The following COX17 variants were observed in gnomAD, a reference collection of about 807,000 sequenced individuals.
The protein encoded by COX17 is cytochrome c oxidase copper chaperone COX17.
Under a neutral mutation model 6.3 loss-of-function variants are expected in COX17, and 1 was observed. The observed-to-expected ratio is 0.16, with a 90% CI of 0.06 to 0.75. The LOEUF (loss-of-function observed/expected upper bound fraction) is 0.75, where lower values mean the gene tolerates loss of function less well. Among genes scored for constraint, COX17 ranks in the 30% least tolerant of loss-of-function variants. The probability of loss-of-function intolerance (pLI) is 0.77; values close to 1 mark genes in which losing one functional copy is unlikely to be tolerated. For synonymous variants in COX17, 26 were observed against 30.5 expected (o/e 0.85, Z 0.49); for missense variants, 73 against 81.2 (o/e 0.90, Z 0.39).
Position 119,677,378 on chromosome 3 carries a change from C to CGTCCGCAGTCACTTCCGGCA in COX17, c.-88_-69dup. 3 of 1,239,894 alleles carry CGTCCGCAGTCACTTCCGGCA rather than the reference C, an allele frequency of 2.4e-6. No individual in the cohort carries two copies. The South Asian group carries it at 3.8e-5, about 16-fold the overall frequency. 76.8% of individuals were successfully genotyped at this position (1,239,894 alleles called of 1,614,324 possible). On this transcript the variant is annotated 5_prime_UTR_variant, in exon 1 of 3. Transcript: ENST00000261070. ...ATGCCAGCCTCGGCAAACGCCGATT[C>CGTCCGCAGTCACTTCCGGCA]GTCCGCAGTCACTTCCGGCAGTCGC...
chr3:119,672,759 T>C (rs577784440), intron 2 of COX17, among the ~76,000 whole-genome samples: 1 of 152,320 alleles, frequency 6.6e-6, no homozygotes, highest in African/African-American at 2.4e-5. Flanking sequence ...TCACAAAATG[T>C]ATTATGGTTC....
chr3:119,668,236 G>T (rs917703877), downstream of COX17, among the ~76,000 whole-genome samples: 1 of 152,078 alleles, frequency 6.6e-6, no homozygotes, highest in Non-Finnish European at 1.5e-5. Context: ...TAAGGTTATC[G>T]ATTTTTTTGT....
chr3:119,676,289 C>A (rs2053098267), intron 1 of COX17, among the ~76,000 whole-genome samples: 2 of 152,216 alleles, frequency 1.3e-5, no homozygotes, highest in African/African-American at 4.8e-5. Context: ...GTCTTTCAAT[C>A]CTACCCGTAT....
At chr3:119,671,997 T>C (rs4327424) in intron 2 of COX17, among the ~76,000 whole-genome samples, 54,522 of 152,072 alleles carry the variant, frequency 0.36, 10,489 homozygotes, top group East Asian at 0.66. Flanking sequence ...TGGATTCAGA[T>C]TGTTCTTCTT....
chr3:119,668,715 G>C (rs150460219), downstream of COX17, among the ~76,000 whole-genome samples: 4 of 151,878 alleles, frequency 2.6e-5, no homozygotes, highest in Admixed American at 2.6e-4. Flanking sequence ...TTATAAAGGA[G>C]GGACTTTTCC....
At chr3:119,674,642 C>CA (rs2053080384) in intron 2 of COX17, 1 of 153,636 alleles carries the variant, frequency 6.5e-6, no homozygotes, top group Non-Finnish European at 1.4e-5. Flanking sequence ...AAAAACAACA[C>CA]AAAAAATTAG....
chr3:119,673,393 T>A (rs921469928), intron 2 of COX17, among the ~76,000 whole-genome samples: 2 of 152,212 alleles, frequency 1.3e-5, no homozygotes, highest in Non-Finnish European at 2.9e-5. Flanking sequence ...ATTAAAAATA[T>A]ATGTATCATG....
downstream of COX17, among the ~76,000 whole-genome samples, chr3:119,665,686 T>G (rs879898164): frequency 6.6e-6 from 1 of 152,222 alleles, no homozygotes; most frequent in Non-Finnish European, 1.5e-5. Context: ...GACTAAGTTC[T>G]TGAAAGCACC....
intron 2 of COX17, chr3:119,674,864 T>C (rs2107835414): frequency 2.9e-6 from 1 of 340,752 alleles, no homozygotes; most frequent in Middle Eastern, 8.8e-4. Flanking sequence ...AGAGAATATG[T>C]TTCTTTTAGT....
chr3:119,669,940 ATGTG>A (rs2053027979), intron 2 of COX17, among the ~76,000 whole-genome samples: 1 of 152,158 alleles, frequency 6.6e-6, no homozygotes, highest in South Asian at 2.1e-4. Flanking sequence ...TATAATACAT[ATGTG>A]TGTGTTTGAG....
rs1469195287 is a variant in COX17, at chr3:119,669,636, C to T, written c.*34G>A. Reference sequence around the variant, plus strand: ...CCCAAAATTAATCTTCTTCATTCTTCAGGAATTATTTATTCACACAGCAGA... The same window carrying T: ...CCCAAAATTAATCTTCTTCATTCTTTAGGAATTATTTATTCACACAGCAGA... On this transcript the variant is annotated 3_prime_UTR_variant, in exon 3 of 3. Coordinates refer to ENST00000261070, the MANE Select transcript of COX17 (RefSeq NM_005694.2). 2.0e-5 allele frequency: 3 copies of T among 152,248 alleles called. No homozygotes were observed. Among genetic ancestry groups the T allele is most frequent in the Non-Finnish European group, 4.4e-5 (3 of 67,998 alleles). 9.4% of individuals were successfully genotyped at this position (152,248 alleles called of 1,614,324 possible). A position where few individuals can be genotyped will look rare whatever the true frequency, so the allele number is the denominator to read the frequency against.
At chr3:119,666,442 A>C (rs568989050), downstream of COX17, among the ~76,000 whole-genome samples, 8 of 152,296 alleles carry the variant, frequency 5.3e-5, no homozygotes, top group African/African-American at 1.7e-4. Flanking sequence ...CAGCTATGTG[A>C]GTTTTCCTTA....
chr3:119,676,692 T>G, intron 1 of COX17: 1 of 599,936 alleles, frequency 1.7e-6, no homozygotes, highest in Non-Finnish European at 3.0e-6. Context: ...CCAGAAAACC[T>G]TTCCTGTTTG....
intron 2 of COX17, among the ~76,000 whole-genome samples, chr3:119,672,946 C>G (rs1220173562): frequency 6.6e-6 from 1 of 152,186 alleles, no homozygotes. Flanking sequence ...CGACAAGTTC[C>G]TTATCCCTCC....
At chr3:119,667,305 C>T (rs2053001323), downstream of COX17, among the ~76,000 whole-genome samples, 1 of 152,070 alleles carries the variant, frequency 6.6e-6, no homozygotes, top group Non-Finnish European at 1.5e-5. Context: ...AAATGCTGTA[C>T]CTCATCTTTG....
Position 119,671,561 on chromosome 3 carries a change from G to C in COX17, c.*5-1896C>G, listed in dbSNP as rs1171714249. Among the ~76,000 whole-genome samples the C allele has an allele frequency of 8.5e-5, 13 of 152,216 alleles. No individual in the cohort carries two copies. The East Asian group carries it at 2.1e-3, about 25-fold the overall frequency. Reference sequence around the variant, plus strand: ...GTTAAGTTTATCTTATAGCAATGCAGACAGTTGTGTTGGATTTCACCCTCC... The same window carrying C: ...GTTAAGTTTATCTTATAGCAATGCACACAGTTGTGTTGGATTTCACCCTCC... On this transcript the variant is annotated intron_variant, in intron 2 of 2. Coordinates refer to ENST00000261070, the MANE Select transcript of COX17 (RefSeq NM_005694.2).
At chr3:119,670,884 G>C (rs569807145) in intron 2 of COX17, among the ~76,000 whole-genome samples, 37 of 151,862 alleles carry the variant, frequency 2.4e-4, no homozygotes, top group African/African-American at 8.7e-4. Context: ...TTCTTTCAAC[G>C]ACTTTAGTCT....
intron 2 of COX17, among the ~76,000 whole-genome samples, chr3:119,674,081 G>A (rs2053073466): frequency 6.6e-6 from 1 of 151,092 alleles, no homozygotes; most frequent in Non-Finnish European, 1.5e-5. Flanking sequence ...GATGTGAGGA[G>A]CGCCTCTGCC....
chr3:119,664,905 C>G (rs1559733509), downstream of COX17, among the ~76,000 whole-genome samples: 1 of 152,198 alleles, frequency 6.6e-6, no homozygotes. Context: ...GGGGTTAACA[C>G]TTTCCTAGTA....
Sources: gnomAD v4.1 joint callset for allele counts (sites outside exome capture counted in the v4.1 genomes callset) on GRCh38, gnomAD v4.1.1 for gene constraint, MANE v1.5 for transcripts, NCBI Gene and HGNC (gene_info 2026-07-23, HGNC 2026-07-21) for gene names.